SMYD4: variants seen among roughly 807,000 people sequenced by gnomAD.
SMYD4 encodes the protein protein-lysine N-methyltransferase SMYD4.
SMYD4 carries 68 observed loss-of-function variants against 72.8 expected under a neutral mutation model. The ratio of observed to expected loss-of-function variants is 0.93; its 90% CI spans 0.77 to 1.14. The LOEUF (loss-of-function observed/expected upper bound fraction) is 1.14, where lower values mean the gene tolerates loss of function less well. SMYD4 is among the 50% of genes most tolerant of loss of function. The pLI is 0.00. For missense variants in SMYD4, 984 were observed against 1,003.7 expected, an observed-to-expected ratio of 0.98 and a Z score of 0.27; for synonymous variants, 407 against 388.6, an observed-to-expected ratio of 1.05 and a Z score of -0.56.
rs1409273323 is a variant in SMYD4 at position 1,800,042 on chromosome 17, C to T, written c.1352G>A (p.Cys451Tyr). The T allele has an allele frequency of 1.9e-6, 3 of 1,614,016 alleles. No homozygotes were observed. The highest frequency in any genetic ancestry group is 1.7e-5 in the Admixed American group (1 of 59,978). The stretch of plus-strand genomic sequence containing the variant: ...TAAACTGGCTGCTTCTAGCTGTCTG[C>T]ACAGTGCAGAAACACAGAGAGCACA... The part of the protein sequence containing the change: ...FLCALCVSAL[C>Y]RQLEAASLQA... Residue 451 changes from cysteine to tyrosine, a missense_variant, in exon 5 of 11, where the codon TGC (cysteine) becomes TAC (tyrosine). Physicochemically the swap from Cys to Tyr is radical, Grantham distance 194. Coordinates refer to ENST00000305513, the MANE Select transcript of SMYD4 (RefSeq NM_052928.3).
intron 5 of SMYD4, among the ~76,000 whole-genome samples, chr17:1,798,896 C>CAAAAAA (rs11456527): frequency 6.8e-6 from 1 of 148,108 alleles, no homozygotes; most frequent in African/African-American, 2.5e-5. Flanking sequence ...GACTCTGTCT[C>CAAAAAA]AAAAAAAAAA....
At chr17:1,809,133 TC>T (rs1052341424) in intron 3 of SMYD4, among the ~76,000 whole-genome samples, 11 of 152,262 alleles carry the variant, frequency 7.2e-5, no homozygotes, top group African/African-American at 2.6e-4. Flanking sequence ...CGCCTCGGTC[TC>T]CCAAAGTGTT....
chr17:1,800,239 G>T lies in SMYD4; in HGVS notation c.1155C>A (p.Asn385Lys), dbSNP rs1567775209. The T allele has an allele frequency of 6.2e-7, 1 of 1,614,036 alleles. No homozygotes were observed. The highest frequency in any genetic ancestry group is 1.3e-5 in the African/African-American group (1 of 74,918). The change falls in exon 5 of 11, where the codon AAC (asparagine) becomes AAA (lysine). Residue 385 changes from asparagine (N) to lysine (K), a missense_variant. By Grantham distance (94) the Asn-to-Lys change is moderately conservative. Transcript: ENST00000305513. ...SNKDICLPES[N>K]NQVKTLNYGL... The stretch of plus-strand genomic sequence containing the variant: ...CATAATTAAGTGTCTTGACCTGATT[G>T]TTGCTTTCAGGTAAACAGATGTCCT...
chr17:1,793,015 C>T (rs1268850775), intron 5 of SMYD4, among the ~76,000 whole-genome samples: 14 of 152,006 alleles, frequency 9.2e-5, no homozygotes, highest in Admixed American at 9.2e-4. Flanking sequence ...CCTCCTGGGC[C>T]CGAGCCGCTG....
At chr17:1,782,919 A>C in intron 10 of SMYD4, 116 bp downstream of exon 10, 1 of 1,459,046 alleles carries the variant, frequency 6.9e-7, no homozygotes, top group Non-Finnish European at 9.2e-7. Flanking sequence ...ATCTCTCCTA[A>C]AGAGGAAATA....
chr17:1,816,743 G>A lies in SMYD4; in HGVS notation c.135-4628C>T, dbSNP rs148995138. ...CAGTCTAGCTACAGGCACAATGATC[G>A]CACACTATGGCCTTTTTGTAGGTGT... On this transcript the variant is annotated intron_variant, in intron 2 of 10. Coordinates refer to ENST00000305513, the MANE Select transcript of SMYD4 (RefSeq NM_052928.3). 1.5e-3 allele frequency among the ~76,000 whole-genome samples: 227 copies of A among 151,866 alleles called. 1 individual carries two copies. The highest frequency in any genetic ancestry group is 5.2e-3 in the African/African-American group (214 of 41,432).
intron 2 of SMYD4, among the ~76,000 whole-genome samples, chr17:1,812,352 T>C (rs1006394355): frequency 2.0e-5 from 3 of 151,924 alleles, no homozygotes; most frequent in Non-Finnish European, 4.4e-5. Flanking sequence ...CGTGGTGCCA[T>C]CTCCACTCAC....
chr17:1,788,887 A>C (rs1406158483), intron 5 of SMYD4, among the ~76,000 whole-genome samples: 1 of 152,232 alleles, frequency 6.6e-6, no homozygotes, highest in East Asian at 1.9e-4. Flanking sequence ...GAGTATGTAC[A>C]GTAAAGATAA....
At chr17:1,796,795 T>C (rs1252615059) in intron 5 of SMYD4, among the ~76,000 whole-genome samples, 1 of 152,172 alleles carries the variant, frequency 6.6e-6, no homozygotes, top group East Asian at 1.9e-4. Flanking sequence ...TGCTATTTAA[T>C]TGGGAAGCCC....
intron 4 of SMYD4, 124 bp downstream of exon 4, chr17:1,804,502 A>G: frequency 1.2e-6 from 1 of 855,444 alleles, no homozygotes; most frequent in Non-Finnish European, 1.9e-6. Flanking sequence ...TGTGCTTCCA[A>G]TTCAACCAAT....
intron 1 of SMYD4, among the ~76,000 whole-genome samples, chr17:1,828,935 T>G (rs1911364312): frequency 6.6e-6 from 1 of 151,554 alleles, no homozygotes; most frequent in Non-Finnish European, 1.5e-5. Flanking sequence ...ATCCCAGATT[T>G]TTCTTTCTCA....
At chr17:1,794,100 TATA>T (rs1295547190) in intron 5 of SMYD4, among the ~76,000 whole-genome samples, 3 of 22,536 alleles carry the variant, frequency 1.3e-4, no homozygotes, top group African/African-American at 2.9e-4. Context: ...TATATATATA[TATA>T]TATTTTTTTT....
chr17:1,784,164 G>T (rs1908523933), intron 8 of SMYD4, among the ~76,000 whole-genome samples, 162 bp downstream of exon 8: 1 of 152,250 alleles, frequency 6.6e-6, no homozygotes, highest in South Asian at 2.1e-4. Context: ...AACAAAGCTG[G>T]TCAGGGTTTG....
chr17:1,828,136 G>C, intron 1 of SMYD4, 130 bp from the exon 2 acceptor site: 3 of 772,100 alleles, frequency 3.9e-6, no homozygotes, highest in Non-Finnish European at 6.1e-6. Flanking sequence ...GGATCACGAG[G>C]TCAGGAGATG....
chr17:1,798,934 A>G (rs1364943774), intron 5 of SMYD4, among the ~76,000 whole-genome samples: 1 of 151,614 alleles, frequency 6.6e-6, no homozygotes, highest in African/African-American at 2.4e-5. Context: ...ATAAAAAATA[A>G]ATTTTTTTTC....
Position 1,783,473 on chromosome 17 carries a change from C to T in SMYD4, c.2024G>A (p.Arg675Gln), listed in dbSNP as rs927117885. 2.1e-5 allele frequency: 33 copies of T among 1,605,956 alleles called. No homozygotes were observed. The highest frequency in any genetic ancestry group is 1.2e-4 in the African/African-American group (9 of 74,790). ...GCACCCCGACAGCCGCTGAACAGCT[C>T]GCTCTGTCAATGCAGAGGAAAGACG... ...QKLLRDGELE[R>Q]AVQRLSGCQR... The change falls in exon 9 of 11, where the codon CGA becomes CAA. Residue 675 changes from arginine to glutamine, a missense_variant. Transcript: ENST00000305513.
At chr17:1,792,042 AT>A (rs66773474) in intron 5 of SMYD4, among the ~76,000 whole-genome samples, 102,468 of 143,110 alleles carry the variant, frequency 0.72, 36,847 homozygotes, top group African/African-American at 0.78. Context: ...CCTAAAATAC[AT>A]TTTTTTTTTT....
At chr17:1,784,695 G>A in intron 7 of SMYD4, 1 of 440,808 alleles carries the variant, frequency 2.3e-6, no homozygotes, top group East Asian at 1.6e-4. Context: ...TTTTGGAACA[G>A]AACTGGTACA....
intron 2 of SMYD4, among the ~76,000 whole-genome samples, chr17:1,819,255 G>C (rs1012861110): frequency 6.6e-6 from 1 of 152,136 alleles, no homozygotes; most frequent in African/African-American, 2.4e-5. Flanking sequence ...TACCCAGGAG[G>C]CCGAGGCAGG....
Sources: gnomAD v4.1 joint callset for allele counts (sites outside exome capture counted in the v4.1 genomes callset) on GRCh38, gnomAD v4.1.1 for gene constraint, MANE v1.5 for transcripts, NCBI Gene and HGNC (gene_info 2026-07-23, HGNC 2026-07-21) for gene names.